PSD3: variants seen among roughly 807,000 people sequenced by gnomAD.
The protein encoded by PSD3 is PH and SEC7 domain-containing protein 3.
PSD3 carries 49 observed loss-of-function variants against 105.5 expected under a neutral mutation model. The ratio of observed to expected loss-of-function variants is 0.46; its 90% CI spans 0.37 to 0.59. The LOEUF (loss-of-function observed/expected upper bound fraction) is 0.59, where lower values mean the gene tolerates loss of function less well. PSD3 is among the 20% of genes least tolerant of loss of function. The probability of loss-of-function intolerance (pLI) is 0.00; values close to 1 mark genes in which losing one functional copy is unlikely to be tolerated. For synonymous variants in PSD3, 557 were observed against 457.8 expected, an observed-to-expected ratio of 1.22 and a Z score of -2.77; for missense variants, 1,561 against 1,263.8, an observed-to-expected ratio of 1.24 and a Z score of -3.57.
chr8:19,045,524 C>T (rs1428411301), intron 1 of PSD3, among the ~76,000 whole-genome samples: 3 of 152,192 alleles, frequency 2.0e-5, no homozygotes, highest in Admixed American at 6.5e-5. Flanking sequence ...CTCTTGAAAG[C>T]GGCAGTGCTC....
At chr8:18,750,298 G>C (rs1019599383) in intron 9 of PSD3, among the ~76,000 whole-genome samples, 1 of 152,096 alleles carries the variant, frequency 6.6e-6, no homozygotes, top group Non-Finnish European at 1.5e-5. Context: ...CTGATGTTCA[G>C]ATGTGTTCGG....
chr8:18,967,342 AC>A (rs1481447069), intron 1 of PSD3, among the ~76,000 whole-genome samples: 1 of 151,850 alleles, frequency 6.6e-6, no homozygotes. Context: ...TTTAGTAGAG[AC>A]GGGGCTTCTC....
At chr8:18,573,392 C>G (rs996781188) in intron 13 of PSD3, among the ~76,000 whole-genome samples, 2 of 152,094 alleles carry the variant, frequency 1.3e-5, no homozygotes, top group African/African-American at 4.8e-5. Flanking sequence ...ATCACTTGTA[C>G]CTGGGAGGCG....
At chr8:18,676,854 T>C (rs370168842) in intron 9 of PSD3, among the ~76,000 whole-genome samples, 1 of 152,230 alleles carries the variant, frequency 6.6e-6, no homozygotes, top group African/African-American at 2.4e-5. Flanking sequence ...TCCCTTGTGC[T>C]TGAGCACAAG....
intron 1 of PSD3, among the ~76,000 whole-genome samples, chr8:18,981,995 A>T (rs1335059958): frequency 6.6e-6 from 1 of 152,214 alleles, no homozygotes; most frequent in African/African-American, 2.4e-5. Context: ...TCTGTAGCAT[A>T]CAATGTTGTT....
At chr8:18,571,687 A>C (rs1488585386) in intron 14 of PSD3, among the ~76,000 whole-genome samples, 1 of 152,222 alleles carries the variant, frequency 6.6e-6, no homozygotes, top group African/African-American at 2.4e-5. Flanking sequence ...TATCATTGAT[A>C]ATTGCTCCCT....
intron 11 of PSD3, among the ~76,000 whole-genome samples, chr8:18,606,910 T>C (rs1477846046): frequency 1.3e-5 from 2 of 152,216 alleles, no homozygotes; most frequent in African/African-American, 4.8e-5. Context: ...CTGTTTTATA[T>C]TTTATGCCCC....
intron 1 of PSD3, among the ~76,000 whole-genome samples, chr8:18,959,586 C>T (rs1421068144): frequency 6.6e-6 from 1 of 151,778 alleles, no homozygotes; most frequent in Non-Finnish European, 1.5e-5. Flanking sequence ...TATTTAATGC[C>T]TATGACTCCA....
At chr8:18,620,762 A>G (rs556782464) in intron 11 of PSD3, among the ~76,000 whole-genome samples, 2 of 152,336 alleles carry the variant, frequency 1.3e-5, no homozygotes, top group South Asian at 2.1e-4. Flanking sequence ...TTCCATTAAC[A>G]TTAGTGATAA....
rs567089621 is a variant in PSD3 at position 18,704,261 on chromosome 8, A to G, written c.2173-48576T>C. Among the ~76,000 whole-genome samples, 3 of 152,352 alleles carry G rather than the reference A, an allele frequency of 2.0e-5. No individual in the cohort carries two copies. In the South Asian group the frequency reaches 6.2e-4, roughly 32 times the overall value. On this transcript the variant is annotated intron_variant, in intron 9 of 15. Coordinates refer to ENST00000327040, the MANE Select transcript of PSD3 (RefSeq NM_015310.4). ...TTTTCTTACTAGACTCTAAATGAAG[A>G]ATCTCCCTTTACTAGAGGACCAGTT...
chr8:18,672,964 C>T (rs1489165305), intron 9 of PSD3, among the ~76,000 whole-genome samples: 1 of 151,966 alleles, frequency 6.6e-6, no homozygotes. Flanking sequence ...TACATTCCTT[C>T]TGATTCATTA....
chr8:19,031,974 T>C (rs1827787555), intron 1 of PSD3, among the ~76,000 whole-genome samples: 1 of 152,126 alleles, frequency 6.6e-6, no homozygotes, highest in Non-Finnish European at 1.5e-5. Flanking sequence ...TCCCACAATC[T>C]CTTCTATTTT....
intron 4 of PSD3, among the ~76,000 whole-genome samples, chr8:18,845,700 G>A (rs1815029440): frequency 6.6e-6 from 1 of 152,128 alleles, no homozygotes; most frequent in Non-Finnish European, 1.5e-5. Context: ...ACTTTGAGAG[G>A]GCAAAGCAGG....
intron 9 of PSD3, among the ~76,000 whole-genome samples, chr8:18,746,833 G>A (rs548187441): frequency 2.6e-4 from 39 of 152,256 alleles, no homozygotes; most frequent in African/African-American, 9.1e-4. Context: ...GGACTGGTTG[G>A]TCTTAATTAT....
intron 10 of PSD3, among the ~76,000 whole-genome samples, chr8:18,634,685 G>A (rs1807133805): frequency 6.6e-6 from 1 of 152,054 alleles, no homozygotes; most frequent in Admixed American, 6.6e-5. Flanking sequence ...AATATCCTCA[G>A]TTTAGGTTTT....
At chr8:18,878,079 T>C (rs1168744420) in intron 2 of PSD3, among the ~76,000 whole-genome samples, 3 of 152,344 alleles carry the variant, frequency 2.0e-5, no homozygotes, top group Admixed American at 2.0e-4. Context: ...TACTATTACA[T>C]CTTTCGTTCC....
intron 2 of PSD3, among the ~76,000 whole-genome samples, chr8:18,874,965 G>C (rs1817635640): frequency 6.6e-6 from 1 of 152,052 alleles, no homozygotes. Flanking sequence ...ATCCAGACTG[G>C]AGTGTGGGAG....
Position 18,715,229 on chromosome 8 carries a change from C to A in PSD3, c.2172+50220G>T, listed in dbSNP as rs577801410. ...AGGTGCAGCTAACCACCATGGCACA[C>A]GTTTACCCATGTAACAAACCTGCAC... On this transcript the variant is annotated intron_variant, in intron 9 of 15. Coordinates refer to ENST00000327040, the MANE Select transcript of PSD3 (RefSeq NM_015310.4). Among the ~76,000 whole-genome samples the A allele has an allele frequency of 3.3e-5, 5 of 152,030 alleles. No individual in the cohort carries two copies. In the South Asian group the frequency reaches 1.0e-3, roughly 32 times the overall value.
chr8:18,799,339 G>C lies in PSD3; in HGVS notation c.2038C>G (p.Leu680Val), dbSNP rs1313363393. Residue 680 changes from leucine to valine, a missense_variant, in exon 8 of 16, where the codon CTT (leucine) becomes GTT (valine). Coordinates refer to ENST00000327040, the MANE Select transcript of PSD3 (RefSeq NM_015310.4). ...TTAAGAAGCATTATTGCACAGGTAA[G>C]GCAATGGACTCCATCTAAAGAAAGA... ...TIASQDGVHC[L>V]TCAIMLLNTD... 2 of 1,606,734 alleles carry C rather than the reference G, an allele frequency of 1.2e-6. No homozygotes were observed. The highest frequency in any genetic ancestry group is 1.6e-4 in the Middle Eastern group (1 of 6,066).
Sources: gnomAD v4.1 joint callset for allele counts (sites outside exome capture counted in the v4.1 genomes callset) on GRCh38, gnomAD v4.1.1 for gene constraint, MANE v1.5 for transcripts, NCBI Gene and HGNC (gene_info 2026-07-23, HGNC 2026-07-21) for gene names.